Variants in OXR1 observed in about 807,000 individuals in gnomAD.
OXR1 encodes oxidation resistance 1.
In OXR1, 41 loss-of-function variants were observed where a neutral mutation model predicts 104.6. The ratio of observed to expected loss-of-function variants is 0.39; its 90% confidence interval spans 0.31 to 0.51. The LOEUF is 0.51. Ranked by LOEUF, OXR1 falls within the 20% of genes least tolerant of loss-of-function variation. The pLI, the probability that OXR1 is intolerant of heterozygous loss-of-function variation, is 0.77. For synonymous variants in OXR1, 348 were observed against 348.4 expected (o/e 1.00, Z 0.01); for missense variants, 955 against 1,031.9 (o/e 0.93, Z 1.02).
chr8:106,507,583 G>T (rs1325908239), intron 2 of OXR1, among the ~76,000 whole-genome samples: 5 of 152,228 alleles, frequency 3.3e-5, no homozygotes, highest in African/African-American at 1.2e-4. Context: ...AGAGGGTTGT[G>T]CAGGGAATCG....
At chr8:106,492,851 A>G (rs950652089) in intron 2 of OXR1, among the ~76,000 whole-genome samples, 5 of 152,270 alleles carry the variant, frequency 3.3e-5, no homozygotes, top group African/African-American at 4.8e-5. Context: ...ACGAACTTTC[A>G]CCAGTCCAGA....
At chr8:106,659,345 A>G (rs1345307154) in intron 3 of OXR1, among the ~76,000 whole-genome samples, 2 of 152,226 alleles carry the variant, frequency 1.3e-5, no homozygotes, top group Non-Finnish European at 2.9e-5. Flanking sequence ...AAGAAATATT[A>G]AAGTCTCATT....
intron 6 of OXR1, among the ~76,000 whole-genome samples, chr8:106,691,252 G>C (rs1468085484): frequency 6.6e-6 from 1 of 151,782 alleles, no homozygotes; most frequent in Non-Finnish European, 1.5e-5. Context: ...AAATTATGCA[G>C]GGAAGCATCA....
intron 11 of OXR1, among the ~76,000 whole-genome samples, chr8:106,718,643 T>TCCTGGCTAACATGGTGAAACCCC (rs1470846835): frequency 3.9e-5 from 6 of 151,942 alleles, no homozygotes; most frequent in African/African-American, 1.5e-4. Context: ...ATCGAGACCA[T>TCCTGGCTAACATGGTGAAACCCC]CCTGGCTAAC....
At chr8:106,314,860 G>T (rs914942972) in intron 1 of OXR1, among the ~76,000 whole-genome samples, 3 of 152,120 alleles carry the variant, frequency 2.0e-5, no homozygotes, top group Non-Finnish European at 4.4e-5. Context: ...TAAAAATGAT[G>T]ATGTATATTA....
intron 1 of OXR1, among the ~76,000 whole-genome samples, chr8:106,341,840 T>C (rs563722649): frequency 2.6e-5 from 4 of 152,074 alleles, no homozygotes; most frequent in African/African-American, 9.6e-5. Context: ...TTTTCTGGAC[T>C]AGGATCATCC....
chr8:106,589,439 G>A (rs1415827846), intron 3 of OXR1, among the ~76,000 whole-genome samples: 3 of 151,228 alleles, frequency 2.0e-5, no homozygotes, highest in Non-Finnish European at 4.4e-5. Context: ...AAGGCCCCAG[G>A]ACTCTCCAGA....
At chr8:106,314,126 C>A (rs1014969447) in intron 1 of OXR1, among the ~76,000 whole-genome samples, 2 of 152,144 alleles carry the variant, frequency 1.3e-5, no homozygotes, top group African/African-American at 2.4e-5. Context: ...ACATACGCAG[C>A]CTGCATGCCC....
At chr8:106,344,157 G>A (rs916283236) in intron 1 of OXR1, among the ~76,000 whole-genome samples, 1 of 152,162 alleles carries the variant, frequency 6.6e-6, no homozygotes, top group African/African-American at 2.4e-5. Context: ...GTCAAAATGG[G>A]TGGGGTTCCC....
intron 1 of OXR1, 97 bp from the exon 2 acceptor site, chr8:106,359,379 T>C (rs560083645): frequency 6.3e-5 from 32 of 508,870 alleles, no homozygotes; most frequent in East Asian, 4.6e-4. Flanking sequence ...GTGTGTATCT[T>C]ATACCATGAC....
chr8:106,523,837 C>T (rs1359548211), intron 3 of OXR1, among the ~76,000 whole-genome samples: 3 of 151,514 alleles, frequency 2.0e-5, no homozygotes, highest in South Asian at 4.2e-4. Flanking sequence ...TGCAGTGGCA[C>T]GATCTCGGCT....
intron 15 of OXR1, among the ~76,000 whole-genome samples, chr8:106,743,106 C>T (rs965246565): frequency 2.0e-5 from 3 of 151,952 alleles, no homozygotes; most frequent in South Asian, 2.1e-4. Context: ...AGAAAAAAAA[C>T]ACCATTGAAA....
At chr8:106,697,589 C>T in intron 7 of OXR1, 1 of 1,611,532 alleles carries the variant, frequency 6.2e-7, no homozygotes, top group Non-Finnish European at 8.5e-7. Flanking sequence ...GAGAAGAGCC[C>T]ATCATCCCAG....
At position 106,491,365 on chromosome 8, in the gene OXR1, T is replaced by C. The variant is rs76595317; in HGVS notation, c.24-27578T>C. ...GTGCAGACAAACATATTCATTTGCC[T>C]ACAGACAAACACATACATATACCCA... On this transcript the variant is annotated intron_variant, in intron 2 of 16. Coordinates refer to ENST00000517566, the MANE Select transcript of OXR1 (RefSeq NM_001198533.2). 8.6e-3 allele frequency among the ~76,000 whole-genome samples: 1,317 copies of C among 152,372 alleles called. 11 individuals carry two copies. Among genetic ancestry groups the C allele is most frequent in the Middle Eastern group, 0.027 (8 of 294 alleles).
chr8:106,535,324 T>A (rs1450627081), intron 3 of OXR1, among the ~76,000 whole-genome samples: 3 of 152,200 alleles, frequency 2.0e-5, no homozygotes, highest in Non-Finnish European at 4.4e-5. Flanking sequence ...GGCTTTCTAC[T>A]GCAAAACCGC....
chr8:106,392,319 G>A (rs1028087962), intron 2 of OXR1, among the ~76,000 whole-genome samples: 2 of 152,182 alleles, frequency 1.3e-5, no homozygotes, highest in African/African-American at 4.8e-5. Context: ...GCGTTTGAGA[G>A]GGAAGGATTC....
intron 2 of OXR1, among the ~76,000 whole-genome samples, chr8:106,506,321 C>CA (rs1281052110): frequency 6.6e-6 from 1 of 152,108 alleles, no homozygotes; most frequent in Non-Finnish European, 1.5e-5. Flanking sequence ...GAGGTAAAAA[C>CA]AGAGAGTTTT....
chr8:106,533,913 A>G (rs1814283499), intron 3 of OXR1, among the ~76,000 whole-genome samples: 1 of 151,910 alleles, frequency 6.6e-6, no homozygotes, highest in Non-Finnish European at 1.5e-5. Flanking sequence ...GGGCTTTTCC[A>G]TATTGATCAG....
At chr8:106,561,257 G>A (rs1311212407) in intron 3 of OXR1, among the ~76,000 whole-genome samples, 4 of 152,116 alleles carry the variant, frequency 2.6e-5, no homozygotes, top group Admixed American at 6.5e-5. Context: ...AAAACAGTCT[G>A]AAGTCAACCT....
Sources: gnomAD v4.1 joint callset for allele counts (sites outside exome capture counted in the v4.1 genomes callset) on GRCh38, gnomAD v4.1.1 for gene constraint, MANE v1.5 for transcripts, NCBI Gene and HGNC (gene_info 2026-07-23, HGNC 2026-07-21) for gene names.